Variants in PPP3CA observed in about 807,000 individuals in gnomAD.
PPP3CA encodes the protein protein phosphatase 3 catalytic subunit alpha, also known as CAM-PRP catalytic subunit.
PPP3CA carries 14 observed loss-of-function variants against 66.5 expected under a neutral mutation model. The ratio of observed to expected loss-of-function variants is 0.21; its 90% CI spans 0.14 to 0.33. The LOEUF is 0.33. PPP3CA is among the 10% of genes least tolerant of loss of function. PPP3CA has a pLI of 1.00. For synonymous variants in PPP3CA, 232 were observed against 226.2 expected, an observed-to-expected ratio of 1.03 and a Z score of -0.23; for missense variants, 317 against 639.5, an observed-to-expected ratio of 0.50 and a Z score of 5.44.
At chr4:101,324,701 A>C (rs969568927) in intron 1 of PPP3CA, among the ~76,000 whole-genome samples, 2 of 152,210 alleles carry the variant, frequency 1.3e-5, no homozygotes, top group African/African-American at 2.4e-5. Flanking sequence ...AACAAAAAAA[A>C]AAAAGACAAT....
At chr4:101,238,077 T>C (rs1726182908) in intron 1 of PPP3CA, among the ~76,000 whole-genome samples, 2 of 152,042 alleles carry the variant, frequency 1.3e-5, no homozygotes, top group Non-Finnish European at 1.5e-5. Flanking sequence ...AAATCTTACA[T>C]TCTGTTTCTC....
intron 1 of PPP3CA, among the ~76,000 whole-genome samples, chr4:101,260,445 C>T (rs762354923): frequency 4.3e-4 from 66 of 152,276 alleles, no homozygotes; most frequent in South Asian, 8.3e-4. Context: ...TAAAATAGCA[C>T]ATCTGATTTC....
chr4:101,334,145 T>A (rs1438388699), intron 1 of PPP3CA, among the ~76,000 whole-genome samples: 1 of 152,150 alleles, frequency 6.6e-6, no homozygotes, highest in Non-Finnish European at 1.5e-5. Flanking sequence ...ACACTTTTTT[T>A]TTTTTTGAGG....
chr4:101,134,734 T>C (rs1451071284), intron 2 of PPP3CA, among the ~76,000 whole-genome samples: 2 of 152,220 alleles, frequency 1.3e-5, no homozygotes, highest in African/African-American at 2.4e-5. Context: ...ACTGGGTATA[T>C]ACCCAAAGAA....
chr4:101,057,749 C>T (rs992401934), intron 10 of PPP3CA, among the ~76,000 whole-genome samples: 3 of 152,132 alleles, frequency 2.0e-5, no homozygotes, highest in East Asian at 3.9e-4. Flanking sequence ...CATAACCTAT[C>T]GTGAATGCAT....
At chr4:101,032,648 T>G (rs1727031270) in intron 11 of PPP3CA, among the ~76,000 whole-genome samples, 2 of 152,206 alleles carry the variant, frequency 1.3e-5, no homozygotes, top group Admixed American at 1.3e-4. Context: ...CATTTTGATT[T>G]TGTAATCAGG....
intron 2 of PPP3CA, among the ~76,000 whole-genome samples, chr4:101,193,922 C>T (rs138995359): frequency 6.6e-6 from 1 of 152,122 alleles, no homozygotes; most frequent in African/African-American, 2.4e-5. Context: ...GAGACTGAAA[C>T]ATTTTTATTA....
At chr4:101,113,388 C>T (rs73833215) in intron 2 of PPP3CA, among the ~76,000 whole-genome samples, 14,150 of 152,046 alleles carry the variant, frequency 0.093, 1,226 homozygotes, top group East Asian at 0.32. Flanking sequence ...TAGTATGGTC[C>T]CCCTCACAGG....
At chr4:101,106,468 A>AGAAGAGAAGAGAAG (rs1560605272) in intron 3 of PPP3CA, among the ~76,000 whole-genome samples, 2 of 46,134 alleles carry the variant, frequency 4.3e-5, no homozygotes, top group South Asian at 7.3e-4. Flanking sequence ...AAGAAAAGAA[A>AGAAGAGAAGAGAAG]AGAAAAGAAA....
intron 1 of PPP3CA, among the ~76,000 whole-genome samples, chr4:101,294,703 C>T (rs1197102375): frequency 6.6e-6 from 1 of 151,906 alleles, no homozygotes; most frequent in Non-Finnish European, 1.5e-5. Flanking sequence ...ACACTTTGGG[C>T]TTGATAATTC....
At chr4:101,173,896 T>A (rs887161456) in intron 2 of PPP3CA, among the ~76,000 whole-genome samples, 1 of 151,698 alleles carries the variant, frequency 6.6e-6, no homozygotes, top group African/African-American at 2.4e-5. Flanking sequence ...ACAAAAAAAT[T>A]TAAAAATTAG....
intron 2 of PPP3CA, among the ~76,000 whole-genome samples, chr4:101,173,253 T>G (rs1478157184): frequency 6.6e-6 from 1 of 152,068 alleles, no homozygotes; most frequent in African/African-American, 2.4e-5. Flanking sequence ...TCAGGTACAT[T>G]TCAATGAGGA....
intron 1 of PPP3CA, among the ~76,000 whole-genome samples, chr4:101,318,793 T>C (rs1728954828): frequency 6.6e-6 from 1 of 152,160 alleles, no homozygotes. Flanking sequence ...CTGTTTTCAA[T>C]ATGAACATTA....
chr4:101,052,939 C>T (rs1728073956), intron 10 of PPP3CA, among the ~76,000 whole-genome samples: 1 of 151,986 alleles, frequency 6.6e-6, no homozygotes, highest in Non-Finnish European at 1.5e-5. Flanking sequence ...CTCCCCTAAA[C>T]ACCTATATCC....
intron 10 of PPP3CA, among the ~76,000 whole-genome samples, chr4:101,047,387 T>G (rs550366681): frequency 2.0e-5 from 3 of 152,140 alleles, no homozygotes; most frequent in African/African-American, 7.2e-5. Flanking sequence ...GTTTAAATAG[T>G]TGTAAATAAT....
At chr4:101,327,424 G>T (rs546372990) in intron 1 of PPP3CA, among the ~76,000 whole-genome samples, 10 of 151,214 alleles carry the variant, frequency 6.6e-5, no homozygotes, top group Non-Finnish European at 1.0e-4. Context: ...ATTCCCAAAA[G>T]AAGAGCTCTC....
At chr4:101,145,966 G>A (rs929724552) in intron 2 of PPP3CA, among the ~76,000 whole-genome samples, 6 of 151,978 alleles carry the variant, frequency 3.9e-5, no homozygotes, top group African/African-American at 1.2e-4. Context: ...TTTGAACTAC[G>A]TTTCACATTT....
chr4:101,337,655 C>T (rs141668974), intron 1 of PPP3CA, among the ~76,000 whole-genome samples: 2,670 of 152,226 alleles, frequency 0.018, 44 homozygotes, highest in Middle Eastern at 0.058. Flanking sequence ...AAGTATATCC[C>T]GGCCCATGTG....
intron 9 of PPP3CA, 86 bp from the exon 10 acceptor site, chr4:101,061,247 A>G (rs1728449833): frequency 1.8e-6 from 2 of 1,119,136 alleles, no homozygotes; most frequent in Non-Finnish European, 1.3e-6. Flanking sequence ...GAGCAAACTT[A>G]GCAATAACAT....
Sources: allele counts gnomAD v4.1 joint callset (sites outside exome capture counted in the v4.1 genomes callset), GRCh38; gene constraint gnomAD v4.1.1; transcripts MANE v1.5; gene names NCBI Gene and HGNC (gene_info 2026-07-23, HGNC 2026-07-21).